MBTPS1: variants seen among roughly 807,000 people sequenced by gnomAD.
MBTPS1 encodes the protein membrane bound transcription factor peptidase, site 1, also known as membrane-bound transcription factor site-1 protease.
A neutral mutation model predicts 127.8 loss-of-function variants in MBTPS1; 94 were observed. The observed-to-expected ratio is 0.74, with a 90% CI of 0.62 to 0.87. The LOEUF is 0.87. MBTPS1 is among the 40% of genes least tolerant of loss of function. The pLI is 0.00. For synonymous variants in MBTPS1, 632 were observed against 509.4 expected, an observed-to-expected ratio of 1.24 and a Z score of -3.24; for missense variants, 1,636 against 1,353.2, an observed-to-expected ratio of 1.21 and a Z score of -3.28.
At chr16:84,076,220 A>T (rs139756024) in intron 11 of MBTPS1, among the ~76,000 whole-genome samples, 33 of 152,302 alleles carry the variant, frequency 2.2e-4, no homozygotes, top group African/African-American at 7.9e-4. Flanking sequence ...ACAAAATTCA[A>T]TCCACAGTCC....
chr16:84,103,166 C>G (rs1567503408), intron 1 of MBTPS1, among the ~76,000 whole-genome samples: 1 of 152,044 alleles, frequency 6.6e-6, no homozygotes, highest in Admixed American at 6.6e-5. Context: ...CAGACCATAC[C>G]CGGGGCGTAA....
Position 84,059,351 on chromosome 16 carries a change from G to A in MBTPS1, c.2782C>T (p.Pro928Ser). Residue 928 changes from proline to serine, a missense_variant, in exon 21 of 23, where the codon CCA becomes TCA. Pro to Ser is a moderately conservative substitution (Grantham distance 74). Coordinates refer to ENST00000343411, the MANE Select transcript of MBTPS1 (RefSeq NM_003791.4). Reference sequence around the variant, plus strand: ...TGTGGCTTGGCCCAAGACAAGCGTGGACAGGCTGGTAGAGGCCGAGGTTTT... The same window carrying A: ...TGTGGCTTGGCCCAAGACAAGCGTGAACAGGCTGGTAGAGGCCGAGGTTTT... ...DPKPRPLPAC[P>S]RLSWAKPQPL... 1 of 1,614,176 alleles carries A rather than the reference G, an allele frequency of 6.2e-7. No homozygotes were observed. The highest frequency in any genetic ancestry group is 8.5e-7 in the Non-Finnish European group (1 of 1,180,008).
intron 16 of MBTPS1, among the ~76,000 whole-genome samples, chr16:84,066,925 C>G (rs1192940753): frequency 6.6e-6 from 1 of 152,100 alleles, no homozygotes; most frequent in Non-Finnish European, 1.5e-5. Context: ...GAGAAAGAAG[C>G]ATAGAAATGT....
rs777252115 is a variant in MBTPS1, at chr16:84,054,565, C to A, written c.3043G>T (p.Ala1015Ser). 13 of 1,613,872 alleles carry A rather than the reference C, an allele frequency of 8.1e-6. No homozygotes were observed. The highest frequency in any genetic ancestry group is 1.3e-5 in the African/African-American group (1 of 75,020). Residue 1015 changes from alanine to serine, a missense_variant, in exon 23 of 23, where the codon GCC becomes TCC. Ala to Ser is a moderately conservative substitution (Grantham distance 99). Coordinates refer to ENST00000343411, the MANE Select transcript of MBTPS1 (RefSeq NM_003791.4). The part of the protein sequence containing the change: ...FAFLGAMVVL[A>S]FFVVQINKAK... ...TTGTTGATTTGTACCACAAAGAAGG[C>A]CAGGACCACCATGGCTCCCAGGAAG...
Position 84,054,629 on chromosome 16 carries a change from G to T in MBTPS1, c.2979C>A (p.Arg993=). The T allele has an allele frequency of 6.2e-7, 1 of 1,608,852 alleles. No homozygotes were observed. Among genetic ancestry groups the T allele is most frequent in the Non-Finnish European group, 8.5e-7 (1 of 1,177,120 alleles). The change falls in exon 23 of 23, where the codon CGC becomes CGA. Residue 993 remains arginine (R), a synonymous_variant. Transcript: ENST00000343411. ...WDIPGGIMPG[R]YNQEVGQTIP... The stretch of plus-strand genomic sequence containing the variant: ...TGGTCTGGCCCACCTCCTGGTTGTA[G>T]CGGCCAGGCATGATCCCTGTAAGAG...
At chr16:84,065,429 A>C (rs1379144316) in intron 18 of MBTPS1, among the ~76,000 whole-genome samples, 1 of 152,154 alleles carries the variant, frequency 6.6e-6, no homozygotes, top group Non-Finnish European at 1.5e-5. Flanking sequence ...AAAGAAACCA[A>C]AATGTCGAAT....
chr16:84,087,239 T>C (rs1002335975), intron 9 of MBTPS1, 119 bp downstream of exon 9: 6 of 733,256 alleles, frequency 8.2e-6, no homozygotes, highest in African/African-American at 3.5e-5. Context: ...GCTATTCCCA[T>C]GTGAATGTGA....
Position 84,099,301 on chromosome 16 carries a change from A to T in MBTPS1, c.173T>A (p.Val58Glu), listed in dbSNP as rs758829755. The stretch of plus-strand genomic sequence containing the variant: ...GGCTGTAAAGTATCCATTGAAAGCC[A>T]CAATATATTCTGAAACCAATCACCA... ...SSTVVEYEYI[V>E]AFNGYFTAKA... Residue 58 changes from valine to glutamate, a missense_variant, in exon 3 of 23, where the codon GTG becomes GAG. By Grantham distance (121) the Val-to-Glu change is moderately radical (BLOSUM62 -2). Coordinates refer to ENST00000343411, the MANE Select transcript of MBTPS1 (RefSeq NM_003791.4). 1 of 1,613,754 alleles carries T rather than the reference A, an allele frequency of 6.2e-7. No individual in the cohort carries two copies. Among genetic ancestry groups the T allele is most frequent in the Non-Finnish European group, 8.5e-7 (1 of 1,179,960 alleles).
Position 84,054,572 on chromosome 16 carries a change from C to A in MBTPS1, c.3036G>T (p.Val1012=). The change falls in exon 23 of 23, where the codon GTG becomes GTT. Residue 1012 remains valine, a synonymous_variant. Coordinates refer to ENST00000343411, the MANE Select transcript of MBTPS1 (RefSeq NM_003791.4). ...TTTGTACCACAAAGAAGGCCAGGAC[C>A]ACCATGGCTCCCAGGAAGGCAAAGA... is the stretch of plus-strand genomic sequence containing the variant. ...IPVFAFLGAM[V]VLAFFVVQIN... The A allele has an allele frequency of 6.2e-7, 1 of 1,613,896 alleles. No homozygotes were observed. Among genetic ancestry groups the A allele is most frequent in the South Asian group, 1.1e-5 (1 of 91,062 alleles).
chr16:84,062,305 G>T (rs1001184747), intron 19 of MBTPS1, among the ~76,000 whole-genome samples: 2 of 152,094 alleles, frequency 1.3e-5, no homozygotes, highest in African/African-American at 4.8e-5. Context: ...ATTTTTAGTA[G>T]AGACGCGGTT....
chr16:84,092,576 G>T (rs534719364), intron 6 of MBTPS1, among the ~76,000 whole-genome samples: 1 of 152,260 alleles, frequency 6.6e-6, no homozygotes, highest in Admixed American at 6.5e-5. Context: ...TGCTGGACGG[G>T]GACAGGGGTG....
chr16:84,101,419 A>C (rs1304294513), intron 2 of MBTPS1, among the ~76,000 whole-genome samples: 2 of 151,500 alleles, frequency 1.3e-5, no homozygotes, highest in Non-Finnish European at 2.9e-5. Context: ...TGAATCCAGG[A>C]GGTGGAGGTT....
chr16:84,087,039 A>G (rs1033416136), intron 9 of MBTPS1, among the ~76,000 whole-genome samples: 4 of 152,190 alleles, frequency 2.6e-5, no homozygotes, highest in African/African-American at 9.7e-5. Flanking sequence ...TAGATAGGGT[A>G]AACGGGCAGG....
At chr16:84,104,790 G>A (rs1165905543) in intron 1 of MBTPS1, among the ~76,000 whole-genome samples, 1 of 152,130 alleles carries the variant, frequency 6.6e-6, no homozygotes, top group Non-Finnish European at 1.5e-5. Context: ...AAAAAGGCCA[G>A]GCGCGGTGGC....
chr16:84,082,253 GAAGAAGATGCC>G (rs1206411844), intron 10 of MBTPS1: 12 of 159,410 alleles, frequency 7.5e-5, no homozygotes, highest in Non-Finnish European at 1.4e-4. Context: ...CTGGTCACAG[GAAGAAGATGCC>G]ATGGGACACC....
chr16:84,069,533 G>A (rs117314297), intron 14 of MBTPS1, among the ~76,000 whole-genome samples: 2 of 152,224 alleles, frequency 1.3e-5, no homozygotes, highest in South Asian at 4.1e-4. Context: ...GATGACAATG[G>A]CATGGACTAG....
intron 1 of MBTPS1, among the ~76,000 whole-genome samples, chr16:84,104,530 A>G (rs1054222442): frequency 2.0e-5 from 3 of 152,196 alleles, no homozygotes; most frequent in Non-Finnish European, 2.9e-5. Context: ...TAAAGAATCT[A>G]TGACACATGT....
chr16:84,078,419 G>A (rs1339357638), intron 11 of MBTPS1, among the ~76,000 whole-genome samples: 19 of 94,310 alleles, frequency 2.0e-4, no homozygotes, highest in Non-Finnish European at 3.4e-4. Flanking sequence ...AGAGCTACCC[G>A]ATGCTCTCAA....
intron 18 of MBTPS1, 50 bp from the exon 19 acceptor site, chr16:84,063,495 G>A (rs1341388858): frequency 1.9e-6 from 3 of 1,557,220 alleles, no homozygotes; most frequent in South Asian, 2.3e-5. Context: ...CCACTGAGCA[G>A]TGAGTTATTT....
Sources: gnomAD v4.1 joint callset for allele counts (sites outside exome capture counted in the v4.1 genomes callset) on GRCh38, gnomAD v4.1.1 for gene constraint, MANE v1.5 for transcripts, NCBI Gene and HGNC (gene_info 2026-07-23, HGNC 2026-07-21) for gene names.